The following ATP6V0D2 variants were observed in gnomAD, a reference collection of about 807,000 sequenced individuals.
ATP6V0D2 encodes V-type proton ATPase subunit d 2.
A neutral mutation model predicts 40.0 loss-of-function variants in ATP6V0D2; 40 were observed. The observed-to-expected ratio is 1.00, with a 90% confidence interval of 0.78 to 1.30. The LOEUF is 1.30. Ranked by LOEUF, ATP6V0D2 falls within the 50% of genes most tolerant of loss-of-function variation. ATP6V0D2 has a pLI of 0.00. For synonymous variants in ATP6V0D2, 179 were observed against 156.3 expected, an observed-to-expected ratio of 1.15 and a Z score of -1.08; for missense variants, 470 against 423.1, an observed-to-expected ratio of 1.11 and a Z score of -0.97.
At chr8:86,114,439 A>G (rs1442627029) in intron 2 of ATP6V0D2, among the ~76,000 whole-genome samples, 1 of 152,194 alleles carries the variant, frequency 6.6e-6, no homozygotes, top group Non-Finnish European at 1.5e-5. Context: ...TGGGAGGCCA[A>G]GGTGGGTGGA....
intron 2 of ATP6V0D2, among the ~76,000 whole-genome samples, chr8:86,132,000 G>A (rs1818831683): frequency 6.6e-6 from 1 of 152,088 alleles, no homozygotes. Context: ...CAGATCCTGA[G>A]TGCCTATATG....
intron 2 of ATP6V0D2, among the ~76,000 whole-genome samples, chr8:86,132,765 G>A (rs1184969924): frequency 2.6e-5 from 4 of 152,022 alleles, no homozygotes; most frequent in South Asian, 2.1e-4. Context: ...CTTTGTTATC[G>A]TGAATAGTGC....
At chr8:86,130,871 C>T in intron 2 of ATP6V0D2, among the ~76,000 whole-genome samples, 1 of 152,232 alleles carries the variant, frequency 6.6e-6, no homozygotes, top group East Asian at 1.9e-4. Flanking sequence ...CCCAGTTCTT[C>T]CCCTTTCAAT....
chr8:86,109,348 CTGT>C (rs1818506446), intron 1 of ATP6V0D2, among the ~76,000 whole-genome samples: 2 of 152,046 alleles, frequency 1.3e-5, no homozygotes, highest in African/African-American at 4.8e-5. Context: ...ACTATGAGTA[CTGT>C]TGTTATTATT....
At chr8:86,113,951 G>A (rs1479364059) in intron 2 of ATP6V0D2, 71 bp downstream of exon 2, 2 of 1,407,568 alleles carry the variant, frequency 1.4e-6, no homozygotes, top group South Asian at 1.6e-5. Context: ...ATTACAGGGT[G>A]GGTATCAAGC....
At chr8:86,120,350 G>C (rs1586091214) in intron 2 of ATP6V0D2, among the ~76,000 whole-genome samples, 1 of 152,046 alleles carries the variant, frequency 6.6e-6, no homozygotes, top group African/African-American at 2.4e-5. Flanking sequence ...GCAGAGCCAT[G>C]GTCATACAAC....
At chr8:86,124,091 C>T (rs17603302) in intron 2 of ATP6V0D2, among the ~76,000 whole-genome samples, 20,491 of 151,998 alleles carry the variant, frequency 0.13, 1,465 homozygotes, top group Non-Finnish European at 0.15. Context: ...AGTCTCTGGT[C>T]GGAAAAGTTC....
At chr8:86,111,196 T>G (rs1037957752) in intron 1 of ATP6V0D2, among the ~76,000 whole-genome samples, 4 of 151,806 alleles carry the variant, frequency 2.6e-5, no homozygotes, top group African/African-American at 9.7e-5. Flanking sequence ...CTTTTTTTTT[T>G]TAAATGTAGA....
intron 2 of ATP6V0D2, 122 bp from the exon 3 acceptor site, chr8:86,139,335 A>G: frequency 2.7e-6 from 2 of 735,974 alleles, no homozygotes; most frequent in African/African-American, 3.6e-5. Context: ...TAAAATAAAA[A>G]GAGACTCATG....
intron 1 of ATP6V0D2, among the ~76,000 whole-genome samples, chr8:86,110,086 T>C (rs946565727): frequency 3.3e-5 from 5 of 152,196 alleles, no homozygotes; most frequent in Admixed American, 1.3e-4. Context: ...CATGATGTTT[T>C]ATTTTATTTT....
intron 1 of ATP6V0D2, among the ~76,000 whole-genome samples, chr8:86,108,680 T>A (rs7827741): frequency 2.0e-5 from 3 of 152,024 alleles, no homozygotes; most frequent in Non-Finnish European, 2.9e-5. Context: ...GCAACCCTCC[T>A]GCCTCGGCCT....
chr8:86,139,776 C>A, intron 3 of ATP6V0D2, 141 bp downstream of exon 3: 1 of 811,426 alleles, frequency 1.2e-6, no homozygotes, highest in Non-Finnish European at 1.9e-6. Context: ...CAGTAGCATA[C>A]CATGCAGATT....
At chr8:86,147,119 A>G (rs1398753650) in intron 5 of ATP6V0D2, among the ~76,000 whole-genome samples, 2 of 152,164 alleles carry the variant, frequency 1.3e-5, no homozygotes, top group Non-Finnish European at 2.9e-5. Flanking sequence ...AAACAATCAT[A>G]AAATATGTTT....
In ATP6V0D2 at chr8:86,113,783, A is replaced by C; in HGVS notation, c.205A>C (p.Lys69Gln). 6.2e-7 allele frequency: 1 copy of C among 1,613,952 alleles called. No homozygotes were observed. Among genetic ancestry groups the C allele is most frequent in the Admixed American group, 1.7e-5 (1 of 60,002 alleles). Residue 69 changes from lysine (K) to glutamine (Q), a missense_variant, in exon 2 of 8, where the codon AAA becomes CAA. By Grantham distance (53) the Lys-to-Gln change is moderately conservative. Coordinates refer to ENST00000285393, the MANE Select transcript of ATP6V0D2 (RefSeq NM_152565.1). ...TCACACAAATCCTCTTACTGTTTCC[A>C]AAATTGACACTGAGATGAGGAAAAG... is the stretch of plus-strand genomic sequence containing the variant. ...ANHTNPLTVS[K>Q]IDTEMRKRLC...
intron 2 of ATP6V0D2, among the ~76,000 whole-genome samples, chr8:86,126,265 T>TATATA (rs1554588461): frequency 7.2e-6 from 1 of 138,970 alleles, no homozygotes; most frequent in African/African-American, 2.6e-5. Flanking sequence ...TATATATATC[T>TATATA]TTTTGTATAT....
At chr8:86,137,520 A>T (rs1313093822) in intron 2 of ATP6V0D2, among the ~76,000 whole-genome samples, 1 of 152,094 alleles carries the variant, frequency 6.6e-6, no homozygotes, top group Non-Finnish European at 1.5e-5. Flanking sequence ...CGCTCGCCCA[A>T]ATGTCTCGAA....
intron 5 of ATP6V0D2, among the ~76,000 whole-genome samples, chr8:86,145,211 GA>G (rs1563566075): frequency 1.8e-5 from 1 of 56,094 alleles, no homozygotes; most frequent in East Asian, 5.3e-4. Flanking sequence ...AAGAAAGAAA[GA>G]AAGAAAGAAA....
intron 5 of ATP6V0D2, among the ~76,000 whole-genome samples, chr8:86,145,308 AG>A: frequency 6.4e-5 from 6 of 94,068 alleles, no homozygotes; most frequent in Non-Finnish European, 1.1e-4. Context: ...AAAGAAAGAA[AG>A]AAAAGAAAGA....
intron 2 of ATP6V0D2, among the ~76,000 whole-genome samples, chr8:86,124,648 T>C (rs935173229): frequency 6.6e-6 from 1 of 152,228 alleles, no homozygotes; most frequent in Admixed American, 6.5e-5. Context: ...TTTCCTCATC[T>C]GTAGTACAGG....
Sources: gnomAD v4.1 joint callset for allele counts (sites outside exome capture counted in the v4.1 genomes callset) on GRCh38, gnomAD v4.1.1 for gene constraint, MANE v1.5 for transcripts, NCBI Gene and HGNC (gene_info 2026-07-23, HGNC 2026-07-21) for gene names.